PCDH7: variants seen among roughly 807,000 people sequenced by gnomAD.
PCDH7 encodes the protein protocadherin 7, also known as protocadherin-7.
In PCDH7, 17 loss-of-function variants were observed where a neutral mutation model predicts 58.9. The ratio of observed to expected loss-of-function variants is 0.29; its 90% CI spans 0.20 to 0.43. The LOEUF (loss-of-function observed/expected upper bound fraction) is 0.43. PCDH7 is among the 20% of genes least tolerant of loss of function. The probability of loss-of-function intolerance (pLI) is 1.00; values close to 1 mark genes in which losing one functional copy is unlikely to be tolerated. For synonymous variants in PCDH7, 664 were observed against 616.4 expected (o/e 1.08, Z -1.14); for missense variants, 1,274 against 1,441.0 (o/e 0.88, Z 1.88).
chr4:30,958,448 T>G (rs2109456032), intron 3 of PCDH7, among the ~76,000 whole-genome samples: 1 of 152,120 alleles, frequency 6.6e-6, no homozygotes, highest in East Asian at 1.9e-4. Context: ...AAATACACCC[T>G]TATATATTTA....
intron 2 of PCDH7, among the ~76,000 whole-genome samples, chr4:30,942,587 C>T (rs1746171107): frequency 6.6e-6 from 1 of 151,940 alleles, no homozygotes; most frequent in Non-Finnish European, 1.5e-5. Flanking sequence ...ATGGTGCATT[C>T]CTAGCATGGA....
intron 1 of PCDH7, among the ~76,000 whole-genome samples, chr4:30,848,064 T>C (rs1011423363): frequency 3.3e-5 from 5 of 152,184 alleles, no homozygotes; most frequent in African/African-American, 1.2e-4. Context: ...GATTGGATTA[T>C]TTATGTAAAT....
intron 3 of PCDH7, among the ~76,000 whole-genome samples, chr4:31,062,841 G>A (rs1009501912): frequency 2.0e-5 from 3 of 151,670 alleles, no homozygotes; most frequent in African/African-American, 4.8e-5. Context: ...CAAAAACTTC[G>A]TGTTTTTAAT....
At chr4:30,787,917 A>G (rs1723621272) in intron 1 of PCDH7, among the ~76,000 whole-genome samples, 1 of 152,120 alleles carries the variant, frequency 6.6e-6, no homozygotes. Context: ...TCACAAAGGA[A>G]GCAATTTTAA....
chr4:30,918,652 C>A (rs1742789147), intron 1 of PCDH7, among the ~76,000 whole-genome samples: 1 of 151,944 alleles, frequency 6.6e-6, no homozygotes, highest in South Asian at 2.1e-4. Flanking sequence ...AAGAAGAGAA[C>A]ATGAATTAAA....
At chr4:31,139,973 A>G (rs1720049813) in intron 3 of PCDH7, among the ~76,000 whole-genome samples, 1 of 152,188 alleles carries the variant, frequency 6.6e-6, no homozygotes, top group Admixed American at 6.5e-5. Flanking sequence ...GGCACAGAAG[A>G]CAAGCTGCCT....
chr4:30,892,245 T>C (rs563178471), intron 1 of PCDH7, among the ~76,000 whole-genome samples: 42 of 152,004 alleles, frequency 2.8e-4, no homozygotes, highest in Non-Finnish European at 4.9e-4. Context: ...AGAAATAATA[T>C]GATTTATTTT....
At chr4:30,969,523 A>G (rs979423563) in intron 3 of PCDH7, among the ~76,000 whole-genome samples, 1 of 152,172 alleles carries the variant, frequency 6.6e-6, no homozygotes, top group African/African-American at 2.4e-5. Context: ...TGAAACAAGG[A>G]TTAATGAAAG....
At chr4:31,128,858 T>G (rs1445147856) in intron 3 of PCDH7, among the ~76,000 whole-genome samples, 1 of 152,134 alleles carries the variant, frequency 6.6e-6, no homozygotes, top group Non-Finnish European at 1.5e-5. Context: ...CTAAAAAGGT[T>G]ATAGGACAGG....
At chr4:30,828,901 C>T (rs921039717) in intron 1 of PCDH7, among the ~76,000 whole-genome samples, 1 of 151,888 alleles carries the variant, frequency 6.6e-6, no homozygotes, top group African/African-American at 2.4e-5. Flanking sequence ...TATTTCTTAA[C>T]TCATTTGCAA....
chr4:30,888,074 C>A lies in PCDH7; in HGVS notation c.71-32079C>A, dbSNP rs369911945. Among the ~76,000 whole-genome samples the A allele has an allele frequency of 3.1e-4, 47 of 152,180 alleles. 1 individual carries two copies. In the South Asian group the frequency reaches 8.9e-3, roughly 29 times the overall value. ...TATTTTTAGTAGAGACGGGGTTTCA[C>A]CATGTTGGTCAGTCTGGTCTCGAAC... is the stretch of plus-strand genomic sequence containing the variant. On this transcript the variant is annotated intron_variant, in intron 1 of 3. Transcript: ENST00000509759.
intron 3 of PCDH7, among the ~76,000 whole-genome samples, chr4:31,093,997 G>A (rs1011460094): frequency 6.6e-6 from 1 of 152,080 alleles, no homozygotes; most frequent in African/African-American, 2.4e-5. Flanking sequence ...GTTTTTGGAA[G>A]ACATGCATTC....
At chr4:30,815,076 G>A (rs749320249) in intron 1 of PCDH7, among the ~76,000 whole-genome samples, 33 of 151,802 alleles carry the variant, frequency 2.2e-4, no homozygotes, top group Non-Finnish European at 3.8e-4. Context: ...GTTATACAAC[G>A]GATATTATAA....
chr4:31,125,380 T>A (rs1270822722), intron 3 of PCDH7, among the ~76,000 whole-genome samples: 1 of 152,206 alleles, frequency 6.6e-6, no homozygotes, highest in African/African-American at 2.4e-5. Flanking sequence ...ATATCTGACA[T>A]CCAGAGATGC....
At chr4:31,044,062 C>T (rs559576351) in intron 3 of PCDH7, among the ~76,000 whole-genome samples, 30 of 152,060 alleles carry the variant, frequency 2.0e-4, no homozygotes, top group Non-Finnish European at 3.8e-4. Flanking sequence ...CTAAAAGTGG[C>T]AATCTCTTAG....
chr4:30,763,526 A>T (rs1720314621), intron 1 of PCDH7, among the ~76,000 whole-genome samples: 1 of 152,208 alleles, frequency 6.6e-6, no homozygotes, highest in African/African-American at 2.4e-5. Context: ...ATTGAGGTAC[A>T]TTCATTACAA....
At chr4:30,903,244 T>C (rs1003146152) in intron 1 of PCDH7, among the ~76,000 whole-genome samples, 10 of 152,250 alleles carry the variant, frequency 6.6e-5, no homozygotes, top group African/African-American at 2.4e-4. Flanking sequence ...TAATATTTTT[T>C]TAACTCAAGT....
intron 3 of PCDH7, among the ~76,000 whole-genome samples, chr4:31,016,643 T>C (rs1560578218): frequency 6.6e-6 from 1 of 152,174 alleles, no homozygotes; most frequent in Non-Finnish European, 1.5e-5. Flanking sequence ...AAGGAAATAA[T>C]AATTTTGTGG....
intron 3 of PCDH7, among the ~76,000 whole-genome samples, chr4:30,990,974 A>G (rs1234704815): frequency 6.6e-6 from 1 of 152,186 alleles, no homozygotes; most frequent in Non-Finnish European, 1.5e-5. Flanking sequence ...GAGGTCAGGT[A>G]TAGCAAGGAA....
Sources: gnomAD v4.1 joint callset for allele counts (sites outside exome capture counted in the v4.1 genomes callset) on GRCh38, gnomAD v4.1.1 for gene constraint, MANE v1.5 for transcripts, NCBI Gene and HGNC (gene_info 2026-07-23, HGNC 2026-07-21) for gene names.